The following IMMP2L variants were observed in gnomAD, a reference collection of about 807,000 sequenced individuals.
IMMP2L encodes the protein mitochondrial inner membrane protease subunit 2.
In IMMP2L, 18 loss-of-function variants were observed where a neutral mutation model predicts 19.3. That is an observed-to-expected ratio of 0.93 (90% CI 0.64 to 1.38). IMMP2L has a LOEUF of 1.38. Ranked by LOEUF, IMMP2L falls within the 40% of genes most tolerant of loss-of-function variation. IMMP2L has a pLI of 0.00. For synonymous variants in IMMP2L, 76 were observed against 73.0 expected (o/e 1.04, Z -0.21); for missense variants, 233 against 218.2 (o/e 1.07, Z -0.43).
At chr7:111,252,795 C>T (rs1978247) in intron 3 of IMMP2L, among the ~76,000 whole-genome samples, 50,234 of 151,824 alleles carry the variant, frequency 0.33, 9,072 homozygotes, top group South Asian at 0.61. Flanking sequence ...ATTTTCAAGA[C>T]CCAAACATTA....
At chr7:110,969,560 G>C (rs1310918358) in intron 3 of IMMP2L, among the ~76,000 whole-genome samples, 1 of 151,972 alleles carries the variant, frequency 6.6e-6, no homozygotes, top group Non-Finnish European at 1.5e-5. Context: ...GAAGTGGCAA[G>C]AACCCATGTT....
chr7:111,004,543 T>C (rs898607068), intron 3 of IMMP2L, among the ~76,000 whole-genome samples: 3 of 151,600 alleles, frequency 2.0e-5, no homozygotes, highest in Admixed American at 2.0e-4. Context: ...ATGATTGCTA[T>C]GGTCCAAAGT....
chr7:110,886,183 C>A (rs961458299), intron 5 of IMMP2L, among the ~76,000 whole-genome samples: 1 of 151,982 alleles, frequency 6.6e-6, no homozygotes, highest in Non-Finnish European at 1.5e-5. Context: ...AATATGATTT[C>A]TATTACACTT....
intron 3 of IMMP2L, among the ~76,000 whole-genome samples, chr7:110,998,864 G>A (rs1258248831): frequency 6.6e-6 from 1 of 152,142 alleles, no homozygotes; most frequent in Non-Finnish European, 1.5e-5. Flanking sequence ...TAGGATCACA[G>A]CTCTCAATGG....
chr7:111,404,585 T>C (rs1258626774), intron 3 of IMMP2L, among the ~76,000 whole-genome samples: 1 of 152,024 alleles, frequency 6.6e-6, no homozygotes, highest in African/African-American at 2.4e-5. Context: ...ACTATTTCAG[T>C]GAAAACAGGT....
At chr7:110,667,640 C>T (rs927997261) in intron 5 of IMMP2L, among the ~76,000 whole-genome samples, 6 of 152,110 alleles carry the variant, frequency 3.9e-5, no homozygotes, top group Middle Eastern at 3.2e-3. Context: ...GGAATGCAGG[C>T]AGCCTCTCGA....
chr7:111,070,377 T>C (rs549207970), intron 3 of IMMP2L, among the ~76,000 whole-genome samples: 2 of 152,158 alleles, frequency 1.3e-5, no homozygotes, highest in Non-Finnish European at 2.9e-5. Context: ...CAAATGATGA[T>C]TAGTGTTCAG....
At chr7:111,374,005 T>C (rs1187195824) in intron 3 of IMMP2L, among the ~76,000 whole-genome samples, 2 of 151,902 alleles carry the variant, frequency 1.3e-5, no homozygotes, top group South Asian at 4.1e-4. Context: ...CAATTTCTAA[T>C]GGTAGGTTTG....
At chr7:111,511,605 C>T (rs1417278345) in intron 2 of IMMP2L, among the ~76,000 whole-genome samples, 6 of 149,006 alleles carry the variant, frequency 4.0e-5, no homozygotes, top group East Asian at 4.0e-4. Context: ...GCGGAGATCG[C>T]GCCACTGCAC....
In IMMP2L at chr7:111,138,436, G is replaced by A. The variant is rs554238709; in HGVS notation, c.240-174871C>T. Among the ~76,000 whole-genome samples, 3 of 152,266 alleles carry A rather than the reference G, an allele frequency of 2.0e-5. No homozygotes were observed. In the South Asian group the frequency reaches 6.2e-4, roughly 32 times the overall value. On this transcript the variant is annotated intron_variant, in intron 3 of 5. Transcript: ENST00000405709. ...CCCAAATTAACTCCAGGGGCCATAA[G>A]ATCAAAGTAAGAAGGAAGTAGCTTG...
chr7:110,924,323 G>A lies in IMMP2L; in HGVS notation c.306-37628C>T, dbSNP rs1248142357. Among the ~76,000 whole-genome samples, 1 of 152,130 alleles carries A rather than the reference G, an allele frequency of 6.6e-6. No individual in the cohort carries two copies. Among genetic ancestry groups the A allele is most frequent in the Non-Finnish European group, 1.5e-5 (1 of 68,030 alleles). ...GCAGGCAGATAAAAGGGTGTGGATAGGGATCGGGATTTATTTTTGTTTCTC... is the reference window on the plus strand; with the variant it reads ...GCAGGCAGATAAAAGGGTGTGGATAAGGATCGGGATTTATTTTTGTTTCTC... On this transcript the variant is annotated intron_variant, in intron 4 of 5. Transcript: ENST00000405709. This position sits in a 1 kb window ranked among gnomAD's most constrained non-coding sequence, Gnocchi z 4.2.
At chr7:110,687,835 C>T (rs1793223278) in intron 5 of IMMP2L, among the ~76,000 whole-genome samples, 1 of 151,934 alleles carries the variant, frequency 6.6e-6, no homozygotes, top group Non-Finnish European at 1.5e-5. Flanking sequence ...TCCACCCACT[C>T]ATCTCAAGAG....
At chr7:111,472,875 C>T (rs774239048) in intron 3 of IMMP2L, among the ~76,000 whole-genome samples, 6 of 151,422 alleles carry the variant, frequency 4.0e-5, no homozygotes, top group Non-Finnish European at 7.4e-5. Flanking sequence ...GTGGGTGGAT[C>T]ACTTGAGGCC....
intron 2 of IMMP2L, among the ~76,000 whole-genome samples, chr7:111,494,230 C>A (rs893302910): frequency 6.6e-6 from 1 of 152,104 alleles, no homozygotes; most frequent in Non-Finnish European, 1.5e-5. Context: ...GGAGTTTCCA[C>A]CTGTATCTCC....
chr7:110,770,258 T>C (rs1037445509), intron 5 of IMMP2L, among the ~76,000 whole-genome samples: 7 of 152,278 alleles, frequency 4.6e-5, no homozygotes, highest in Non-Finnish European at 8.8e-5. Context: ...TTACGACGAA[T>C]GTGAAGCCAT....
intron 3 of IMMP2L, among the ~76,000 whole-genome samples, chr7:111,142,452 C>A (rs1803037966): frequency 6.6e-6 from 1 of 151,916 alleles, no homozygotes; most frequent in Non-Finnish European, 1.5e-5. Context: ...AAGCTGCCTG[C>A]ATAACTTTCA....
chr7:110,877,493 T>C lies in IMMP2L; in HGVS notation c.408+9100A>G, dbSNP rs537962068. 6.6e-5 allele frequency among the ~76,000 whole-genome samples: 10 copies of C among 152,078 alleles called. No individual in the cohort carries two copies. The South Asian group carries it at 2.1e-3, about 32-fold the overall frequency. ...CAAGATAATGAAAGGGAGAAAAAAA[T>C]GACAGCCTGTGCCAAAATACAAAAA... On this transcript the variant is annotated intron_variant, in intron 5 of 5. Transcript: ENST00000405709. This position sits in a 1 kb window ranked among gnomAD's most constrained non-coding sequence, Gnocchi z 4.0.
intron 3 of IMMP2L, among the ~76,000 whole-genome samples, chr7:111,337,290 CTT>C (rs1437054235): frequency 1.3e-5 from 2 of 152,020 alleles, no homozygotes; most frequent in African/African-American, 2.4e-5. Flanking sequence ...ATTTGCCTAT[CTT>C]TTAAAGTTAT....
At chr7:111,149,892 A>T (rs1424938242) in intron 3 of IMMP2L, among the ~76,000 whole-genome samples, 1 of 152,164 alleles carries the variant, frequency 6.6e-6, no homozygotes, top group Non-Finnish European at 1.5e-5. Flanking sequence ...AACTCATCAA[A>T]TTTTTATTTA....
Sources: gnomAD v4.1 joint callset for allele counts (sites outside exome capture counted in the v4.1 genomes callset) on GRCh38, gnomAD v4.1.1 for gene constraint, Gnocchi (gnomAD v3.1) non-coding constraint, MANE v1.5 for transcripts, NCBI Gene and HGNC (gene_info 2026-07-23, HGNC 2026-07-21) for gene names.